Variants in IQCM observed in about 807,000 individuals in gnomAD.
The protein encoded by IQCM is IQ motif containing M, also known as IQ domain-containing protein M.
Under a neutral mutation model 57.6 loss-of-function variants are expected in IQCM, and 45 were observed. The observed-to-expected ratio is 0.78, with a 90% CI of 0.62 to 1.00. The LOEUF is 1.00. Ranked by LOEUF, IQCM falls within the 50% of genes least tolerant of loss-of-function variation. The probability of loss-of-function intolerance (pLI) is 0.00; values close to 1 mark genes in which losing one functional copy is unlikely to be tolerated. For synonymous variants in IQCM, 148 were observed against 158.9 expected, an observed-to-expected ratio of 0.93 and a Z score of 0.51; for missense variants, 468 against 511.6, an observed-to-expected ratio of 0.91 and a Z score of 0.82.
chr4:149,363,557 C>CAGGG (rs1729637548), intron 13 of IQCM, among the ~76,000 whole-genome samples: 1 of 151,980 alleles, frequency 6.6e-6, no homozygotes, highest in Admixed American at 6.6e-5. Flanking sequence ...TTTTGAAATA[C>CAGGG]TAAACATTTG....
intron 12 of IQCM, among the ~76,000 whole-genome samples, chr4:149,447,604 A>T (rs1240862994): frequency 1.3e-5 from 2 of 151,524 alleles, no homozygotes; most frequent in Non-Finnish European, 3.0e-5. Context: ...TGAAACAGGG[A>T]AAAAAGACTA....
intron 7 of IQCM, among the ~76,000 whole-genome samples, chr4:149,658,661 G>A (rs1759860585): frequency 6.6e-6 from 1 of 151,888 alleles, no homozygotes; most frequent in Non-Finnish European, 1.5e-5. Context: ...TCTTTAATAA[G>A]TGTTTTGAAG....
chr4:149,765,580 C>T (rs186644706), intron 2 of IQCM, among the ~76,000 whole-genome samples: 1 of 151,842 alleles, frequency 6.6e-6, no homozygotes, highest in Admixed American at 6.6e-5. Flanking sequence ...GGACTGAAAA[C>T]TGCCCTTGTA....
At chr4:149,700,830 C>G (rs1763711989) in intron 5 of IQCM, among the ~76,000 whole-genome samples, 1 of 151,978 alleles carries the variant, frequency 6.6e-6, no homozygotes, top group Non-Finnish European at 1.5e-5. Context: ...ATAGAAAGTA[C>G]TGAGCACTCA....
chr4:149,700,365 G>T lies in IQCM; in HGVS notation c.386-13897C>A, dbSNP rs1160930431. ...TTTGAGTTCTCACTCTCTTCTCTGG[G>T]CAGCTCCTGATGTCCTCAAATGTAA... On this transcript the variant is annotated intron_variant, in intron 5 of 13. Coordinates refer to ENST00000636793, the MANE Select transcript of IQCM (RefSeq NM_001363507.2). Among the ~76,000 whole-genome samples the T allele has an allele frequency of 2.0e-5, 3 of 151,896 alleles. No individual in the cohort carries two copies. In the East Asian group the frequency reaches 5.8e-4, roughly 29 times the overall value.
intron 12 of IQCM, among the ~76,000 whole-genome samples, chr4:149,507,666 A>G (rs1394464256): frequency 6.6e-6 from 1 of 152,186 alleles, no homozygotes; most frequent in African/African-American, 2.4e-5. Context: ...ATTCAGTTTT[A>G]AAGGGGAAGC....
intron 2 of IQCM, among the ~76,000 whole-genome samples, chr4:149,770,492 C>G (rs1029893830): frequency 1.3e-5 from 2 of 150,086 alleles, no homozygotes; most frequent in Non-Finnish European, 2.9e-5. Context: ...AAAAATAAAA[C>G]AAAACCTATG....
At chr4:149,504,099 A>G (rs1743537646) in intron 12 of IQCM, among the ~76,000 whole-genome samples, 2 of 152,148 alleles carry the variant, frequency 1.3e-5, no homozygotes, top group African/African-American at 4.8e-5. Context: ...ACCATTTTTC[A>G]TCTATCAGAT....
intron 9 of IQCM, among the ~76,000 whole-genome samples, chr4:149,580,902 C>T (rs1408423754): frequency 6.6e-6 from 1 of 151,606 alleles, no homozygotes; most frequent in African/African-American, 2.4e-5. Flanking sequence ...TATTTATTTA[C>T]ATATTTATTT....
rs555306879 is a variant in IQCM, at chr4:149,753,556, G to A, written c.-48-10817C>T. On this transcript the variant is annotated intron_variant, in intron 2 of 13. Transcript: ENST00000636793. The stretch of plus-strand genomic sequence containing the variant: ...TGAAATGAGATAGAGAAAGAAAGAT[G>A]AAATAACAATGAAAAGATATAAAGG... 2.6e-5 allele frequency among the ~76,000 whole-genome samples: 4 copies of A among 151,944 alleles called. No individual in the cohort carries two copies. The South Asian group carries it at 6.2e-4, about 24-fold the overall frequency.
At chr4:149,739,401 G>C (rs1268677168) in intron 3 of IQCM, among the ~76,000 whole-genome samples, 1 of 151,076 alleles carries the variant, frequency 6.6e-6, no homozygotes, top group Non-Finnish European at 1.5e-5. Context: ...GTGAGAAATT[G>C]TATTATTTTT....
In IQCM at chr4:149,683,518, G is replaced by A. The variant is rs1439262835; in HGVS notation, c.477-1312C>T. On this transcript the variant is annotated intron_variant, in intron 6 of 13. Transcript: ENST00000636793. ...TCATGTGGTCATGCCCACAGAGTTGGCCAAAGGACTGAGGTATCCCTTAAG... is the reference window on the plus strand; with the variant it reads ...TCATGTGGTCATGCCCACAGAGTTGACCAAAGGACTGAGGTATCCCTTAAG... Among the ~76,000 whole-genome samples, 4 of 151,194 alleles carry A rather than the reference G, an allele frequency of 2.6e-5. No individual in the cohort carries two copies. In the East Asian group the frequency reaches 5.9e-4, roughly 22 times the overall value.
chr4:149,607,140 T>A (rs572120966), intron 8 of IQCM, among the ~76,000 whole-genome samples: 1 of 151,634 alleles, frequency 6.6e-6, no homozygotes, highest in East Asian at 1.9e-4. Flanking sequence ...AGGTCAAGGA[T>A]AAAGAAATGA....
At chr4:149,536,348 T>A (rs1428157290) in intron 12 of IQCM, among the ~76,000 whole-genome samples, 1 of 151,994 alleles carries the variant, frequency 6.6e-6, no homozygotes, top group Admixed American at 6.6e-5. Context: ...TGGCTCCCTC[T>A]CCAGGTACCC....
chr4:149,633,291 C>G (rs1208498221), intron 7 of IQCM, among the ~76,000 whole-genome samples: 2 of 151,450 alleles, frequency 1.3e-5, no homozygotes, highest in African/African-American at 4.9e-5. Context: ...ATTGGATGTA[C>G]GGATTAGCCA....
At chr4:149,565,629 G>T (rs1303948519) in intron 9 of IQCM, among the ~76,000 whole-genome samples, 2 of 152,112 alleles carry the variant, frequency 1.3e-5, no homozygotes, top group South Asian at 2.1e-4. Context: ...TTCATAAGAA[G>T]AATTTGTTGA....
chr4:149,422,438 G>T (rs1734183558), intron 13 of IQCM, among the ~76,000 whole-genome samples: 1 of 151,874 alleles, frequency 6.6e-6, no homozygotes, highest in South Asian at 2.1e-4. Flanking sequence ...ATTTCTTTCA[G>T]ATTTTCCTTC....
intron 5 of IQCM, among the ~76,000 whole-genome samples, chr4:149,692,406 C>A: frequency 6.6e-6 from 1 of 152,160 alleles, no homozygotes; most frequent in South Asian, 2.1e-4. Context: ...TAGGACTTTC[C>A]CTTTCAATCC....
chr4:149,506,164 A>G (rs1180620012), intron 12 of IQCM, among the ~76,000 whole-genome samples: 1 of 152,194 alleles, frequency 6.6e-6, no homozygotes, highest in Non-Finnish European at 1.5e-5. Context: ...AGGAGTGGAG[A>G]ACGAGGAAGA....
Sources: allele counts gnomAD v4.1 joint callset (sites outside exome capture counted in the v4.1 genomes callset), GRCh38; gene constraint gnomAD v4.1.1; transcripts MANE v1.5; gene names NCBI Gene and HGNC (gene_info 2026-07-23, HGNC 2026-07-21).